Variants in LRP1B observed in about 807,000 individuals in gnomAD.
LRP1B encodes low-density lipoprotein receptor-related protein 1B.
Under a neutral mutation model 556.6 loss-of-function variants are expected in LRP1B, and 217 were observed. That is an observed-to-expected ratio of 0.39 (90% confidence interval 0.35 to 0.44). The LOEUF (loss-of-function observed/expected upper bound fraction) is 0.44, where lower values mean the gene tolerates loss of function less well. LRP1B is among the 20% of genes least tolerant of loss of function. The pLI, the probability that LRP1B is intolerant of heterozygous loss-of-function variation, is 1.00. For synonymous variants in LRP1B, 2,047 were observed against 1,865.8 expected, an observed-to-expected ratio of 1.10 and a Z score of -2.50; for missense variants, 5,053 against 5,620.8, an observed-to-expected ratio of 0.90 and a Z score of 3.23.
chr2:141,898,307 C>A (rs1328269783), intron 1 of LRP1B, among the ~76,000 whole-genome samples: 2 of 152,052 alleles, frequency 1.3e-5, no homozygotes, highest in Admixed American at 6.6e-5. Flanking sequence ...GGAAGGATAT[C>A]CAGAGCTACA....
chr2:141,366,313 A>G (rs1689032723), intron 3 of LRP1B, among the ~76,000 whole-genome samples: 1 of 152,214 alleles, frequency 6.6e-6, no homozygotes, highest in Admixed American at 6.5e-5. Flanking sequence ...TTATACAAAA[A>G]CACAACTCAT....
At position 141,709,589 on chromosome 2, in the gene LRP1B, T is replaced by C. The variant is rs1291852666; in HGVS notation, c.205+100690A>G. Among the ~76,000 whole-genome samples the C allele has an allele frequency of 2.0e-5, 3 of 152,224 alleles. No individual in the cohort carries two copies. The South Asian group carries it at 6.2e-4, about 32-fold the overall frequency. ...TGCTGTTTATTGAAATGTATTGAGATAGAAAAAGTATTAAGACGTATGAGT... is the reference window on the plus strand; with the variant it reads ...TGCTGTTTATTGAAATGTATTGAGACAGAAAAAGTATTAAGACGTATGAGT... On this transcript the variant is annotated intron_variant, in intron 2 of 90. Transcript: ENST00000389484.
chr2:140,613,400 A>ATATATTTATATACATATAAATATATAT (rs1381358626), intron 41 of LRP1B, among the ~76,000 whole-genome samples: 1 of 84,378 alleles, frequency 1.2e-5, no homozygotes, highest in Non-Finnish European at 2.7e-5. Context: ...TATAAATATA[A>ATATATTTATATACATATAAATATATAT]ATAATTATAT....
At chr2:140,975,630 AT>A (rs1200520014) in intron 18 of LRP1B, among the ~76,000 whole-genome samples, 1 of 152,176 alleles carries the variant, frequency 6.6e-6, no homozygotes, top group African/African-American at 2.4e-5. Flanking sequence ...CACCAGACTC[AT>A]TGTGTGGTGC....
chr2:140,283,116 C>T (rs1682983477), intron 84 of LRP1B, among the ~76,000 whole-genome samples: 1 of 151,690 alleles, frequency 6.6e-6, no homozygotes, highest in Admixed American at 6.6e-5. Context: ...TTTCATCTAG[C>T]ATGGCTTAGG....
intron 2 of LRP1B, among the ~76,000 whole-genome samples, chr2:141,694,064 C>T (rs750092006): frequency 4.6e-5 from 7 of 152,020 alleles, no homozygotes; most frequent in South Asian, 2.1e-4. Flanking sequence ...AGCACAAGAT[C>T]GCGGAATGTA....
At chr2:140,676,474 T>A (rs1204855351) in intron 41 of LRP1B, among the ~76,000 whole-genome samples, 1 of 152,200 alleles carries the variant, frequency 6.6e-6, no homozygotes. Context: ...TTATTGTTTA[T>A]TTCCTTCCAA....
intron 21 of LRP1B, among the ~76,000 whole-genome samples, chr2:140,919,277 C>T (rs1160047328): frequency 6.6e-6 from 1 of 151,970 alleles, no homozygotes; most frequent in Non-Finnish European, 1.5e-5. Flanking sequence ...CCATTATTTC[C>T]AGCAATCTTG....
chr2:140,324,289 CCAT>C (rs1313963418), intron 80 of LRP1B, among the ~76,000 whole-genome samples: 1 of 152,092 alleles, frequency 6.6e-6, no homozygotes, highest in African/African-American at 2.4e-5. Flanking sequence ...AAATACACTT[CCAT>C]CATCATTTAA....
chr2:141,359,774 CG>C (rs1573854619), intron 3 of LRP1B, among the ~76,000 whole-genome samples: 205 of 146,704 alleles, frequency 1.4e-3, no homozygotes, highest in Non-Finnish European at 2.3e-3. Context: ...CGCCCCGCCC[CG>C]CCCCGCCCCC....
At chr2:141,202,902 T>C (rs1161961360) in intron 6 of LRP1B, among the ~76,000 whole-genome samples, 1 of 151,880 alleles carries the variant, frequency 6.6e-6, no homozygotes, top group Non-Finnish European at 1.5e-5. Flanking sequence ...CGACAGGCCC[T>C]GGTGTGTGAT....
chr2:140,699,437 G>C (rs1686550837), intron 41 of LRP1B, among the ~76,000 whole-genome samples: 1 of 151,922 alleles, frequency 6.6e-6, no homozygotes, highest in South Asian at 2.1e-4. Flanking sequence ...TTGCAGAGAT[G>C]AGTCAGGGAT....
Position 141,415,740 on chromosome 2 carries a change from T to TG in LRP1B, c.343+64655_343+64656insC, listed in dbSNP as rs977593742. The stretch of plus-strand genomic sequence containing the variant: ...ATATGTATGCATTTCAGTTCTTTTT[T>TG]TTTAAATATTACTTGTAAATAATTA... On this transcript the variant is annotated intron_variant, in intron 3 of 90. Coordinates refer to ENST00000389484, the MANE Select transcript of LRP1B (RefSeq NM_018557.3). Among the ~76,000 whole-genome samples, 109 of 152,272 alleles carry TG rather than the reference T, an allele frequency of 7.2e-4. 1 individual carries two copies. The highest frequency in any genetic ancestry group is 2.5e-3 in the African/African-American group (105 of 41,526).
chr2:140,813,524 C>A, intron 32 of LRP1B, 133 bp downstream of exon 32: 1 of 703,448 alleles, frequency 1.4e-6, no homozygotes, highest in Non-Finnish European at 2.4e-6. Flanking sequence ...AGAAGAAAAC[C>A]TCATAGAAGT....
chr2:141,543,636 G>A (rs1574063187), intron 2 of LRP1B, among the ~76,000 whole-genome samples: 1 of 151,772 alleles, frequency 6.6e-6, no homozygotes, highest in Middle Eastern at 3.4e-3. Flanking sequence ...GAAGCAGGAG[G>A]ATTGCTTGAG....
intron 1 of LRP1B, among the ~76,000 whole-genome samples, chr2:141,885,058 G>C (rs537839407): frequency 3.3e-5 from 5 of 152,272 alleles, no homozygotes; most frequent in African/African-American, 1.2e-4. Flanking sequence ...AAATTGTTAT[G>C]TGCTTATGAA....
chr2:142,033,008 C>T (rs1045819739), intron 1 of LRP1B, among the ~76,000 whole-genome samples: 5 of 151,770 alleles, frequency 3.3e-5, no homozygotes, highest in African/African-American at 7.3e-5. Context: ...CTAATGGCTA[C>T]GCCACTTTAG....
rs560827362 is a variant in LRP1B, at chr2:141,655,459, CAG to C, written c.205+154818_205+154819del. 4.1e-4 allele frequency among the ~76,000 whole-genome samples: 62 copies of C among 152,160 alleles called. No individual in the cohort carries two copies. The South Asian group carries it at 0.012, about 29-fold the overall frequency. Reference sequence around the variant, plus strand: ...CAATCCAAAACAACACATAGTTGAGCAGAGTTTTACACCTAATTAATTCATGC... The same window carrying C: ...CAATCCAAAACAACACATAGTTGAGCAGTTTTACACCTAATTAATTCATGC... On this transcript the variant is annotated intron_variant, in intron 2 of 90. Transcript: ENST00000389484.
At chr2:141,181,092 C>T (rs1680971994) in intron 7 of LRP1B, among the ~76,000 whole-genome samples, 1 of 151,832 alleles carries the variant, frequency 6.6e-6, no homozygotes, top group Admixed American at 6.6e-5. Flanking sequence ...ATGTGGTTGT[C>T]TTATTTAGGT....
Sources: allele counts gnomAD v4.1 joint callset (sites outside exome capture counted in the v4.1 genomes callset), GRCh38; gene constraint gnomAD v4.1.1; transcripts MANE v1.5; gene names NCBI Gene and HGNC (gene_info 2026-07-23, HGNC 2026-07-21).